The following MED1 variants were observed in gnomAD, a reference collection of about 807,000 sequenced individuals.
MED1 encodes mediator of RNA polymerase II transcription subunit 1.
MED1 carries 17 observed loss-of-function variants against 121.3 expected under a neutral mutation model. The ratio of observed to expected loss-of-function variants is 0.14; its 90% CI spans 0.10 to 0.21. The LOEUF (loss-of-function observed/expected upper bound fraction) is 0.21. Ranked by LOEUF, MED1 falls within the 10% of genes least tolerant of loss-of-function variation. The pLI is 1.00. For missense variants in MED1, 1,558 were observed against 1,919.4 expected, an observed-to-expected ratio of 0.81 and a Z score of 3.52; for synonymous variants, 661 against 694.4, an observed-to-expected ratio of 0.95 and a Z score of 0.76.
In MED1 at chr17:39,413,348, C is replaced by T. The variant is rs181694025; in HGVS notation, c.1499+1678G>A. ...CGCAATCTTGGCTCACCGCAACCTC[C>T]GATTCCCAGGTTCAAGTGATTCTCC... On this transcript the variant is annotated intron_variant, in intron 16 of 16. Coordinates refer to ENST00000300651, the MANE Select transcript of MED1 (RefSeq NM_004774.4). Among the ~76,000 whole-genome samples, 47 of 152,290 alleles carry T rather than the reference C, an allele frequency of 3.1e-4. 1 individual carries two copies. The highest frequency in any genetic ancestry group is 3.4e-3 in the Middle Eastern group (1 of 294).
intron 3 of MED1, among the ~76,000 whole-genome samples, chr17:39,442,315 T>C (rs1364421791): frequency 2.0e-5 from 3 of 151,588 alleles, no homozygotes; most frequent in Non-Finnish European, 4.4e-5. Flanking sequence ...GTCCATCTTC[T>C]GGACAGGCAT....
At chr17:39,415,173 T>G in intron 15 of MED1, 42 bp from the exon 16 acceptor site, 1 of 1,608,106 alleles carries the variant, frequency 6.2e-7, no homozygotes, top group Non-Finnish European at 8.5e-7. Context: ...AGATTTAGCT[T>G]CTGACTTTTC....
Position 39,407,871 on chromosome 17 carries a change from A to G in MED1, c.4350T>C (p.His1450=), listed in dbSNP as rs2048318129. The change falls in exon 17 of 17, where the codon CAT becomes CAC. Residue 1450 remains histidine (H), a synonymous_variant. Coordinates refer to ENST00000300651, the MANE Select transcript of MED1 (RefSeq NM_004774.4). ...TPKHERGSPS[H]SKSPAYTPQN... The stretch of plus-strand genomic sequence containing the variant: ...GGGGGGTATATGCTGGTGACTTACT[A>G]TGGCTGGGAGAGCCACGCTCATGCT... 6.2e-7 allele frequency: 1 copy of G among 1,614,106 alleles called. No homozygotes were observed.
At chr17:39,442,028 G>A (rs778126841) in intron 3 of MED1, among the ~76,000 whole-genome samples, 1 of 150,996 alleles carries the variant, frequency 6.6e-6, no homozygotes, top group African/African-American at 2.4e-5. Flanking sequence ...ACTTGAATCC[G>A]GGAAACGGAG....
intron 16 of MED1, among the ~76,000 whole-genome samples, chr17:39,411,262 T>C (rs1166084122): frequency 6.6e-6 from 1 of 151,218 alleles, no homozygotes; most frequent in African/African-American, 2.4e-5. Flanking sequence ...GAGGTTGCAT[T>C]GCACTGAGAT....
At chr17:39,446,672 G>A (rs1406694301) in intron 2 of MED1, among the ~76,000 whole-genome samples, 2 of 151,556 alleles carry the variant, frequency 1.3e-5, no homozygotes, top group South Asian at 4.2e-4. Flanking sequence ...TACTCGGGAG[G>A]CTGACGCAGG....
Position 39,409,476 on chromosome 17 carries a change from A to G in MED1, c.2745T>C (p.Asn915=). Residue 915 remains asparagine, a synonymous_variant, in exon 17 of 17, where the codon AAT becomes AAC. Transcript: ENST00000300651. ...TLGVPMLGGD[N]GETKFKGNNQ... is the part of the protein sequence containing the mutation. ...TATTGCCCTTAAACTTGGTCTCCCCATTATCACCTCCAAGCATTGGCACCC... is the reference window on the plus strand; with the variant it reads ...TATTGCCCTTAAACTTGGTCTCCCCGTTATCACCTCCAAGCATTGGCACCC... The G allele has an allele frequency of 6.2e-7, 1 of 1,614,132 alleles. No individual in the cohort carries two copies. Among genetic ancestry groups the G allele is most frequent in the Non-Finnish European group, 8.5e-7 (1 of 1,180,018 alleles).
In MED1 at chr17:39,406,012, A is replaced by G; in HGVS notation, c.*1463T>C. ...TCAGGAATGGCACAGTGCAGGTGTC[A>G]ATATCAAAGTAAGGCCGCAGAATTT... On this transcript the variant is annotated 3_prime_UTR_variant, in exon 17 of 17. Coordinates refer to ENST00000300651, the MANE Select transcript of MED1 (RefSeq NM_004774.4). 3 of 985,518 alleles carry G rather than the reference A, an allele frequency of 3.0e-6. No homozygotes were observed. The East Asian group carries it at 3.3e-4, about 110-fold the overall frequency. The allele number at this position is 985,518 out of a possible 1,614,324, so 61.0% of individuals were successfully genotyped here. A position where few individuals can be genotyped will look rare whatever the true frequency, so the allele number is the denominator to read the frequency against.
chr17:39,448,978 T>C (rs1597878175), intron 1 of MED1, among the ~76,000 whole-genome samples: 1 of 151,754 alleles, frequency 6.6e-6, no homozygotes, highest in African/African-American at 2.4e-5. Context: ...AAACTCCTAC[T>C]TCATGAAGTT....
Position 39,408,861 on chromosome 17 carries a change from T to G in MED1, c.3360A>C (p.Glu1120Asp), listed in dbSNP as rs2048328820. Reference protein sequence around the residue: ...TSGKMKSSKSEGSSSSKLSSS... With the variant: ...TSGKMKSSKSDGSSSSKLSSS... ...TACTTAACTTGGAACTTGATGAACCTTCTGATTTACTGCTTTTCATCTTCC... is the reference window on the plus strand; with the variant it reads ...TACTTAACTTGGAACTTGATGAACCGTCTGATTTACTGCTTTTCATCTTCC... The change falls in exon 17 of 17, where the codon GAA becomes GAC. Residue 1120 changes from glutamate (E) to aspartate (D), a missense_variant. Glu to Asp is a conservative substitution (Grantham distance 45). Transcript: ENST00000300651. The surrounding 1 kb of genome is among the most constrained non-coding windows in gnomAD (Gnocchi z 4.7). The G allele has an allele frequency of 6.2e-7, 1 of 1,614,028 alleles. No homozygotes were observed. Among genetic ancestry groups the G allele is most frequent in the Admixed American group, 1.7e-5 (1 of 60,002 alleles).
intron 13 of MED1, among the ~76,000 whole-genome samples, chr17:39,421,999 G>A (rs1170607009): frequency 6.7e-6 from 1 of 149,772 alleles, no homozygotes; most frequent in East Asian, 2.1e-4. Flanking sequence ...ATGGTGGCAG[G>A]CGCCTGTAGT....
chr17:39,440,750 A>G lies in MED1; in HGVS notation c.212-73T>C. Reference sequence around the variant, plus strand: ...TAAATGATATTCTTTTAAGACAGAAAGATTCATCCTTCCAAAACCGTAAAC... The same window carrying G: ...TAAATGATATTCTTTTAAGACAGAAGGATTCATCCTTCCAAAACCGTAAAC... On this transcript the variant is annotated intron_variant, in intron 3 of 16. Transcript: ENST00000300651. This position sits in a 1 kb window ranked among gnomAD's most constrained non-coding sequence, Gnocchi z 4.1. The G allele has an allele frequency of 7.3e-7, 1 of 1,379,268 alleles. No individual in the cohort carries two copies. Among genetic ancestry groups the G allele is most frequent in the Non-Finnish European group, 1.0e-6 (1 of 986,284 alleles). 85.4% of individuals were successfully genotyped at this position (1,379,268 alleles called of 1,614,324 possible). A position where few individuals can be genotyped will look rare whatever the true frequency, so the allele number is the denominator to read the frequency against.
chr17:39,415,185 A>G (rs2048397723), intron 15 of MED1, 54 bp from the exon 16 acceptor site: 1 of 1,605,266 alleles, frequency 6.2e-7, no homozygotes, highest in Admixed American at 1.7e-5. Flanking sequence ...TGACTTTTCC[A>G]AAAAAGACAT....
intron 6 of MED1, 137 bp downstream of exon 6, chr17:39,439,028 G>C: frequency 1.3e-6 from 1 of 748,456 alleles, no homozygotes; most frequent in South Asian, 1.6e-5. Context: ...ACGTGATTAA[G>C]TATAGACTCT....
At position 39,408,468 on chromosome 17, in the gene MED1, G is replaced by A. The variant is rs745332768; in HGVS notation, c.3753C>T (p.Ser1251=). ...SGMKSSSGLG[S]SGSLSQKTPP... Reference sequence around the variant, plus strand: ...GAGTTTTCTGGGACAACGAGCCTGAGGATCCTAACCCTGAAGATGACTTCA... The same window carrying A: ...GAGTTTTCTGGGACAACGAGCCTGAAGATCCTAACCCTGAAGATGACTTCA... The change falls in exon 17 of 17, where the codon TCC becomes TCT. Residue 1251 remains serine (S), a synonymous_variant. Coordinates refer to ENST00000300651, the MANE Select transcript of MED1 (RefSeq NM_004774.4). This position sits in a 1 kb window ranked among gnomAD's most constrained non-coding sequence, Gnocchi z 4.7. The A allele has an allele frequency of 6.2e-7, 1 of 1,614,172 alleles. No individual in the cohort carries two copies. Among genetic ancestry groups the A allele is most frequent in the Non-Finnish European group, 8.5e-7 (1 of 1,180,030 alleles).
rs1411822278 is a variant in MED1 at position 39,407,752 on chromosome 17, G to C, written c.4469C>G (p.Pro1490Arg). 1.2e-6 allele frequency: 2 copies of C among 1,613,784 alleles called. No homozygotes were observed. Among genetic ancestry groups the C allele is most frequent in the Non-Finnish European group, 8.5e-7 (1 of 1,180,002 alleles). ...PSSDDGIRPL[P>R]EYSTEKHKKH... ...CTTATGTTTCTCTGTGCTGTATTCT[G>C]GAAGTGGTCGGATACCATCGTCTGA... The change falls in exon 17 of 17, where the codon CCA (proline) becomes CGA (arginine). Residue 1490 changes from proline to arginine, a missense_variant. Physicochemically the swap from Pro to Arg is moderately radical, Grantham distance 103. Transcript: ENST00000300651.
intron 13 of MED1, among the ~76,000 whole-genome samples, chr17:39,421,238 C>CA (rs760121026): frequency 0.098 from 6,368 of 64,746 alleles, 671 homozygotes; most frequent in African/African-American, 0.29. Context: ...GCACCAAGAG[C>CA]AAAAAAAAAA....
intron 2 of MED1, chr17:39,445,683 G>T (rs116601495): frequency 9.9e-5 from 15 of 152,212 alleles, no homozygotes; most frequent in African/African-American, 3.6e-4. Flanking sequence ...TCTAATGACA[G>T]TATCATTTAC....
At chr17:39,417,219 A>T (rs2048418248) in intron 14 of MED1, among the ~76,000 whole-genome samples, 1 of 152,116 alleles carries the variant, frequency 6.6e-6, no homozygotes, top group Admixed American at 6.6e-5. Flanking sequence ...AATCCGAGCT[A>T]CTTGGGAGGC....
Sources: gnomAD v4.1 joint callset for allele counts (sites outside exome capture counted in the v4.1 genomes callset) on GRCh38, gnomAD v4.1.1 for gene constraint, Gnocchi (gnomAD v3.1) non-coding constraint, MANE v1.5 for transcripts, NCBI Gene and HGNC (gene_info 2026-07-23, HGNC 2026-07-21) for gene names.